Variants in ZNF417 observed in about 807,000 individuals in gnomAD.
ZNF417 encodes the protein zinc finger protein 417.
In ZNF417, 5 loss-of-function variants were observed where a neutral mutation model predicts 7.4. That is an observed-to-expected ratio of 0.68 (90% CI 0.35 to 1.43). The LOEUF (loss-of-function observed/expected upper bound fraction) is 1.43. Ranked by LOEUF, ZNF417 falls within the 40% of genes most tolerant of loss-of-function variation. The pLI is 0.04. For missense variants in ZNF417, 437 were observed against 697.3 expected (o/e 0.63, Z 4.20); for synonymous variants, 147 against 239.1 (o/e 0.61, Z 3.55).
Position 57,912,103 on chromosome 19 carries a change from G to T in ZNF417, c.120C>A (p.Tyr40Ter), listed in dbSNP as rs1478538919. ...CCAGGTTCTCTAGCATCACATCACG[G>T]TACAAGCACCTCTGAGCCTCACTAA... ...CLLSEAQRCL[Y>*]RDVMLENLAL... The change falls in exon 2 of 3, where the codon TAC becomes TAA. Residue 40 changes from tyrosine to a stop codon, truncating the protein, a stop_gained. Transcript: ENST00000312026. LOFTEE classifies it low-confidence loss of function (END_TRUNC). 6.2e-7 allele frequency: 1 copy of T among 1,610,318 alleles called. No individual in the cohort carries two copies. Among genetic ancestry groups the T allele is most frequent in the African/African-American group, 1.3e-5 (1 of 74,758 alleles).
At chr19:57,910,303 T>C (rs991041584) in intron 2 of ZNF417, among the ~76,000 whole-genome samples, 189 bp from the exon 3 acceptor site, 7 of 152,062 alleles carry the variant, frequency 4.6e-5, no homozygotes, top group African/African-American at 1.7e-4. Flanking sequence ...CCCAGCACTT[T>C]GGGAGGCTGA....
In ZNF417 at chr19:57,908,894, T is replaced by C. The variant is rs1387906676; in HGVS notation, c.1384A>G (p.Arg462Gly). ...CCACATACCTCACACGCATATGGCC[T>C]TTCTCCAGTGTGAACTCTCTCATGA... is the stretch of plus-strand genomic sequence containing the variant. ...LVHERVHTGE[R>G]PYACEVCGKL... The change falls in exon 3 of 3, where the codon AGG becomes GGG. Residue 462 changes from arginine to glycine, a missense_variant. Physicochemically the swap from Arg to Gly is moderately radical, Grantham distance 125. Coordinates refer to ENST00000312026, the MANE Select transcript of ZNF417 (RefSeq NM_152475.3). The C allele has an allele frequency of 5.0e-6, 8 of 1,614,216 alleles. No individual in the cohort carries two copies. The highest frequency in any genetic ancestry group is 1.1e-5 in the South Asian group (1 of 91,080).
At position 57,916,580 on chromosome 19, in the gene ZNF417, C is replaced by A; in HGVS notation, c.-169G>T. 2.0e-6 allele frequency: 3 copies of A among 1,477,374 alleles called. No individual in the cohort carries two copies. The highest frequency in any genetic ancestry group is 2.7e-6 in the Non-Finnish European group (3 of 1,116,934). The allele number at this position is 1,477,374 out of a possible 1,614,324, so 91.5% of individuals were successfully genotyped here. A position where few individuals can be genotyped will look rare whatever the true frequency, so the allele number is the denominator to read the frequency against. Reference sequence around the variant, plus strand: ...TGGGGAAACACCCGCGTCACCGATACACAGCCGCTACTAGAGACCCCGGAA... The same window carrying A: ...TGGGGAAACACCCGCGTCACCGATAAACAGCCGCTACTAGAGACCCCGGAA... On this transcript the variant is annotated 5_prime_UTR_variant, in exon 1 of 3. Coordinates refer to ENST00000312026, the MANE Select transcript of ZNF417 (RefSeq NM_152475.3).
At position 57,908,367 on chromosome 19, in the gene ZNF417, G is replaced by A; in HGVS notation, c.*183C>T. The A allele has an allele frequency of 8.6e-7, 1 of 1,162,498 alleles. No homozygotes were observed. Among genetic ancestry groups the A allele is most frequent in the Non-Finnish European group, 1.2e-6 (1 of 827,236 alleles). 72.0% of individuals were successfully genotyped at this position (1,162,498 alleles called of 1,614,324 possible). The stretch of plus-strand genomic sequence containing the variant: ...TGCAGTGAGCCAAGATTGCACCACT[G>A]CACTCCAGCCTGGGTGACAGAATGA... On this transcript the variant is annotated 3_prime_UTR_variant, in exon 3 of 3. Coordinates refer to ENST00000312026, the MANE Select transcript of ZNF417 (RefSeq NM_152475.3).
rs181964445 is a variant in ZNF417 at position 57,916,533 on chromosome 19, C to G, written c.-122G>C. 171 of 1,563,204 alleles carry G rather than the reference C, an allele frequency of 1.1e-4. No homozygotes were observed. The highest frequency in any genetic ancestry group is 1.4e-4 in the Non-Finnish European group (160 of 1,155,394). On this transcript the variant is annotated 5_prime_UTR_variant, in exon 1 of 3. Transcript: ENST00000312026. ...TAGGTTCAGTCACCGCGGTCCCCCC[C>G]CAGCACTCAGGGGCCACAAACTGGG...
rs780064134 is a variant in ZNF417 at position 57,912,099 on chromosome 19, C to G, written c.124G>C (p.Asp42His). The G allele has an allele frequency of 1.2e-6, 2 of 1,606,652 alleles. No homozygotes were observed. Among genetic ancestry groups the G allele is most frequent in the Non-Finnish European group, 1.7e-6 (2 of 1,175,310 alleles). ...AGAGCCAGGTTCTCTAGCATCACAT[C>G]ACGGTACAAGCACCTCTGAGCCTCA... ...LSEAQRCLYR[D>H]VMLENLALIS... The change falls in exon 2 of 3, where the codon GAT becomes CAT. Residue 42 changes from aspartate (D) to histidine (H), a missense_variant. Asp to His is a moderately conservative substitution (Grantham distance 81). Transcript: ENST00000312026.
At chr19:57,912,269 G>A (rs2122532912) in intron 1 of ZNF417, 80 bp from the exon 2 acceptor site, 1 of 1,584,782 alleles carries the variant, frequency 6.3e-7, no homozygotes, top group Admixed American at 1.9e-5. Flanking sequence ...ACCCACACTT[G>A]CCCATCCTCC....
intron 1 of ZNF417, 77 bp downstream of exon 1, chr19:57,916,302 C>G: frequency 1.2e-6 from 2 of 1,611,790 alleles, no homozygotes; most frequent in African/African-American, 1.3e-5. Context: ...GACCCGTGAG[C>G]AGGAGCCGCT....
chr19:57,915,520 G>A, intron 1 of ZNF417: 1 of 464,276 alleles, frequency 2.2e-6, no homozygotes, highest in Admixed American at 2.9e-5. Flanking sequence ...AACCGTCTTT[G>A]CAAAATTATA....
At chr19:57,914,296 G>T (rs962298646) in intron 1 of ZNF417, among the ~76,000 whole-genome samples, 1 of 151,654 alleles carries the variant, frequency 6.6e-6, no homozygotes, top group Non-Finnish European at 1.5e-5. Context: ...GACCAGTCTG[G>T]CCAATATGAT....
Position 57,909,130 on chromosome 19 carries a change from C to T in ZNF417, c.1148G>A (p.Gly383Glu), listed in dbSNP as rs1244334828. 1.2e-6 allele frequency: 2 copies of T among 1,613,790 alleles called. No homozygotes were observed. The highest frequency in any genetic ancestry group is 1.7e-5 in the Admixed American group (1 of 59,988). Residue 383 changes from glycine (G) to glutamate (E), a missense_variant, in exon 3 of 3, where the codon GGA becomes GAA. Gly to Glu is a moderately conservative substitution (Grantham distance 98). This residue lies in a region of ZNF417 where 233 missense variants were observed against 235.5 expected (regional missense o/e 0.99). Transcript: ENST00000312026. ...TTGACCAAAAGATTTTCCACATTCT[C>T]CACACTTGTAAGGCCTTTCTCCAGT... ...VHTGERPYKCGECGKSFGQKG... is the reference protein window; with the variant it reads ...VHTGERPYKCEECGKSFGQKG...
rs2071843850 is a variant in ZNF417, at chr19:57,907,477, A to C, written c.*1073T>G. On this transcript the variant is annotated 3_prime_UTR_variant, in exon 3 of 3. Coordinates refer to ENST00000312026, the MANE Select transcript of ZNF417 (RefSeq NM_152475.3). Reference sequence around the variant, plus strand: ...TTGGTCAGTCATGAGAGGAAGAATAATTCAGAGTGAGAGGAAACAAGAGAG... The same window carrying C: ...TTGGTCAGTCATGAGAGGAAGAATACTTCAGAGTGAGAGGAAACAAGAGAG... The C allele has an allele frequency of 6.5e-6, 1 of 154,844 alleles. No individual in the cohort carries two copies. Among genetic ancestry groups the C allele is most frequent in the Non-Finnish European group, 1.5e-5 (1 of 68,232 alleles). The allele number at this position is 154,844 out of a possible 1,614,324, so 9.6% of individuals were successfully genotyped here.
At chr19:57,915,399 TCCA>T (rs1295102013) in intron 1 of ZNF417, 2 of 350,766 alleles carry the variant, frequency 5.7e-6, no homozygotes, top group Non-Finnish European at 1.1e-5. Flanking sequence ...CACACTTTGT[TCCA>T]GACAGGTTCC....
rs1374468857 is a variant in ZNF417 at position 57,906,654 on chromosome 19, G to C, written c.*1896C>G. On this transcript the variant is annotated 3_prime_UTR_variant, in exon 3 of 3. Transcript: ENST00000312026. ...AGGGAACCTATAGGCCCAGCTACTTGGGAGGCTGAGGCAAGAGAATCACTT... is the reference window on the plus strand; with the variant it reads ...AGGGAACCTATAGGCCCAGCTACTTCGGAGGCTGAGGCAAGAGAATCACTT... Among the ~76,000 whole-genome samples the C allele has an allele frequency of 2.1e-5, 3 of 142,312 alleles. No homozygotes were observed. The highest frequency in any genetic ancestry group is 2.3e-4 in the South Asian group (1 of 4,274). The allele number at this position is 142,312 out of a possible 152,430, so 93.4% of individuals were successfully genotyped here.
chr19:57,912,069 A>G lies in ZNF417; in HGVS notation c.154T>C (p.Ser52Pro). ...DVMLENLALI[S>P]SLGCWCGSKD... ...AGCGTGAGCAACTTACCCAGCGAGG[A>G]TATGAGAGCCAGGTTCTCTAGCATC... Residue 52 changes from serine to proline, a missense_variant, in exon 2 of 3, where the codon TCC becomes CCC. Around this residue, in one of 5 missense-constraint regions of ZNF417, gnomAD observed 57 missense variants for 70.7 expected, o/e 0.81. Coordinates refer to ENST00000312026, the MANE Select transcript of ZNF417 (RefSeq NM_152475.3). 6.3e-7 allele frequency: 1 copy of G among 1,584,108 alleles called. No individual in the cohort carries two copies. The highest frequency in any genetic ancestry group is 8.6e-7 in the Non-Finnish European group (1 of 1,163,110).
intron 2 of ZNF417, among the ~76,000 whole-genome samples, chr19:57,911,667 A>G (rs1040303799): frequency 6.6e-6 from 1 of 152,206 alleles, no homozygotes; most frequent in African/African-American, 2.4e-5. Flanking sequence ...TCTATGGTCT[A>G]TGGTCTATGT....
rs527627791 is a variant in ZNF417 at position 57,909,163 on chromosome 19, C to T, written c.1115G>A (p.Arg372His). 1.0e-4 allele frequency: 162 copies of T among 1,614,012 alleles called. 2 individuals are homozygous for T. In the South Asian group the frequency reaches 1.4e-3, roughly 14 times the overall value. Residue 372 changes from arginine (R) to histidine (H), a missense_variant, in exon 3 of 3, where the codon CGT (arginine) becomes CAT (histidine). This residue lies in a region of ZNF417 where 53 missense variants were observed against 91.9 expected (regional missense o/e 0.58). Transcript: ENST00000312026. ...GTAAGGCCTTTCTCCAGTGTGAACACGCTGATGGTTAATAAAGCAGAACTT... is the reference window on the plus strand; with the variant it reads ...GTAAGGCCTTTCTCCAGTGTGAACATGCTGATGGTTAATAAAGCAGAACTT... ...RQKFCFINHQ[R>H]VHTGERPYKC...
At chr19:57,914,155 T>TGATTCCTCTTTCATGCCC in intron 1 of ZNF417, among the ~76,000 whole-genome samples, 1 of 152,258 alleles carries the variant, frequency 6.6e-6, no homozygotes. Context: ...GGCTCATGCC[T>TGATTCCTCTTTCATGCCC]GATTCCTCTT....
chr19:57,912,102 G>A lies in ZNF417; in HGVS notation c.121C>T (p.Arg41Cys), dbSNP rs778531452. The A allele has an allele frequency of 1.7e-5, 27 of 1,607,534 alleles. No homozygotes were observed. In the East Asian group the frequency reaches 3.1e-4, roughly 19 times the overall value. The change falls in exon 2 of 3, where the codon CGT (arginine) becomes TGT (cysteine). Residue 41 changes from arginine to cysteine, a missense_variant. Transcript: ENST00000312026. ...LLSEAQRCLY[R>C]DVMLENLALI... Reference sequence around the variant, plus strand: ...GCCAGGTTCTCTAGCATCACATCACGGTACAAGCACCTCTGAGCCTCACTA... The same window carrying A: ...GCCAGGTTCTCTAGCATCACATCACAGTACAAGCACCTCTGAGCCTCACTA...
Sources: gnomAD v4.1 joint callset for allele counts (sites outside exome capture counted in the v4.1 genomes callset) on GRCh38, gnomAD v4.1.1 for gene constraint, gnomAD v4.1.1 regional missense constraint, MANE v1.5 for transcripts, NCBI Gene and HGNC (gene_info 2026-07-23, HGNC 2026-07-21) for gene names.